BRPF3: variants seen among roughly 807,000 people sequenced by gnomAD.
The protein encoded by BRPF3 is bromodomain and PHD finger containing 3.
In BRPF3, 18 loss-of-function variants were observed where a neutral mutation model predicts 102.0. The observed-to-expected ratio is 0.18, with a 90% confidence interval of 0.12 to 0.26. BRPF3 has a LOEUF of 0.26. Ranked by LOEUF, BRPF3 falls within the 10% of genes least tolerant of loss-of-function variation. The pLI is 1.00. For missense variants in BRPF3, 1,147 were observed against 1,567.8 expected (o/e 0.73, Z 4.53); for synonymous variants, 570 against 614.2 (o/e 0.93, Z 1.06).
intron 9 of BRPF3, among the ~76,000 whole-genome samples, chr6:36,220,907 A>G (rs933904821): frequency 4.6e-5 from 7 of 152,064 alleles, no homozygotes; most frequent in African/African-American, 1.7e-4. Context: ...GGAGTACCCT[A>G]CTCTCCAACC....
chr6:36,213,843 C>G, intron 7 of BRPF3, 37 bp from the exon 8 acceptor site: 1 of 1,547,404 alleles, frequency 6.5e-7, no homozygotes, highest in Non-Finnish European at 8.7e-7. Flanking sequence ...CAGACTCTTT[C>G]TAAAATGTTC....
At chr6:36,222,353 C>T in intron 10 of BRPF3, 88 bp downstream of exon 10, 3 of 1,236,356 alleles carry the variant, frequency 2.4e-6, no homozygotes, top group Non-Finnish European at 3.5e-6. Flanking sequence ...GGGCTCCGTA[C>T]CAGGCAGCCA....
rs1336221714 is a variant in BRPF3 at position 36,204,699 on chromosome 6, A to G, written c.1490A>G (p.Asn497Ser). The change falls in exon 3 of 13, where the codon AAC becomes AGC. Residue 497 changes from asparagine (N) to serine (S), a missense_variant. Asn to Ser is a conservative substitution (Grantham distance 46, BLOSUM62 1). Coordinates refer to ENST00000357641, the MANE Select transcript of BRPF3 (RefSeq NM_015695.3). ...ICSGLSFQRK[N>S]QFMQRLHNYW... ...AGTGGTCTCTCCTTTCAGAGGAAAA[A>G]CCAGTTTATGCAGCGGCTTCACAAT... The G allele has an allele frequency of 1.2e-6, 2 of 1,614,042 alleles. No homozygotes were observed.
rs1767617804 is a variant in BRPF3, at chr6:36,199,426, G to A, written c.-26-871G>A. On this transcript the variant is annotated intron_variant, in intron 1 of 12. Coordinates refer to ENST00000357641, the MANE Select transcript of BRPF3 (RefSeq NM_015695.3). Reference sequence around the variant, plus strand: ...AGGCTGGGGACTGCTGTCCTGGATGGTGTCTTTTGTAGGGAATACCCTGCA... The same window carrying A: ...AGGCTGGGGACTGCTGTCCTGGATGATGTCTTTTGTAGGGAATACCCTGCA... Among the ~76,000 whole-genome samples, 3 of 152,192 alleles carry A rather than the reference G, an allele frequency of 2.0e-5. No homozygotes were observed. The South Asian group carries it at 6.2e-4, about 31-fold the overall frequency.
At chr6:36,204,110 G>C (rs1257164314) in intron 2 of BRPF3, among the ~76,000 whole-genome samples, 1 of 150,692 alleles carries the variant, frequency 6.6e-6, no homozygotes, top group South Asian at 2.1e-4. Context: ...TTTTTCATTT[G>C]GTTCAAAATT....
intron 10 of BRPF3, among the ~76,000 whole-genome samples, chr6:36,223,924 G>A (rs1246690218): frequency 1.3e-5 from 2 of 152,076 alleles, no homozygotes; most frequent in Admixed American, 6.5e-5. Context: ...GGATGGGTTT[G>A]GTCTGTAATT....
chr6:36,200,930 G>C lies in BRPF3; in HGVS notation c.608G>C (p.Gly203Ala). 6.2e-7 allele frequency: 1 copy of C among 1,614,180 alleles called. No homozygotes were observed. Among genetic ancestry groups the C allele is most frequent in the Non-Finnish European group, 8.5e-7 (1 of 1,180,040 alleles). ...KESYLESRSSGAQQSLIDEDA... is the reference protein window; with the variant it reads ...KESYLESRSSAAQQSLIDEDA... ...TCATACTTGGAGAGTCGCAGCAGTGGGGCCCAACAGTCACTCATCGATGAA... is the reference window on the plus strand; with the variant it reads ...TCATACTTGGAGAGTCGCAGCAGTGCGGCCCAACAGTCACTCATCGATGAA... Residue 203 changes from glycine to alanine, a missense_variant, in exon 2 of 13, where the codon GGG becomes GCG. Physicochemically the swap from Gly to Ala is moderately conservative, Grantham distance 60. This residue lies in a region of BRPF3 where 221 missense variants were observed against 337.1 expected (regional missense o/e 0.66). Coordinates refer to ENST00000357641, the MANE Select transcript of BRPF3 (RefSeq NM_015695.3). The surrounding 1 kb of genome is among the most constrained non-coding windows in gnomAD (Gnocchi z 5.3).
At position 36,231,434 on chromosome 6, in the gene BRPF3, G is replaced by A. The variant is rs941628789; in HGVS notation, c.*825G>A. The A allele has an allele frequency of 3.3e-5, 5 of 152,162 alleles. No homozygotes were observed. The highest frequency in any genetic ancestry group is 1.2e-4 in the African/African-American group (5 of 41,396). 9.4% of individuals were successfully genotyped at this position (152,162 alleles called of 1,614,324 possible). On this transcript the variant is annotated 3_prime_UTR_variant, in exon 13 of 13. Transcript: ENST00000357641. ...CTCTTGTTTTTTTCTTTGCTGCCAC[G>A]AGGTGGTCCAAGCCTTCAGGGTGGG... is the stretch of plus-strand genomic sequence containing the variant.
rs1561833000 is a variant in BRPF3, at chr6:36,222,275, A to G, written c.3181+10A>G. On this transcript the variant is annotated intron_variant, in intron 10 of 12. Coordinates refer to ENST00000357641, the MANE Select transcript of BRPF3 (RefSeq NM_015695.3). Reference sequence around the variant, plus strand: ...GACTACAATGGCTCAGGTGAGGAGCAGTGTTCAGGCAGAACTGAGGGGGCC... The same window carrying G: ...GACTACAATGGCTCAGGTGAGGAGCGGTGTTCAGGCAGAACTGAGGGGGCC... 1.9e-6 allele frequency: 3 copies of G among 1,549,408 alleles called. No homozygotes were observed. Among genetic ancestry groups the G allele is most frequent in the South Asian group, 2.4e-5 (2 of 83,966 alleles).
intron 1 of BRPF3, among the ~76,000 whole-genome samples, chr6:36,199,235 A>G (rs979359494): frequency 1.8e-4 from 28 of 152,166 alleles, no homozygotes; most frequent in African/African-American, 5.3e-4. Context: ...TTGGATTCTC[A>G]TAGGAGCGCG....
At position 36,232,498 on chromosome 6, in the gene BRPF3, C is replaced by G. The variant is rs1226049874; in HGVS notation, c.*1889C>G. 1 of 152,656 alleles carries G rather than the reference C, an allele frequency of 6.6e-6. No individual in the cohort carries two copies. The highest frequency in any genetic ancestry group is 6.5e-5 in the Admixed American group (1 of 15,286). The allele number at this position is 152,656 out of a possible 1,614,324, so 9.5% of individuals were successfully genotyped here. A position where few individuals can be genotyped will look rare whatever the true frequency, so the allele number is the denominator to read the frequency against. The stretch of plus-strand genomic sequence containing the variant: ...AATCTCTGAATATTTTAGTCTCTCT[C>G]TGAGTCTCATTTTTTAAAATGCTCT... On this transcript the variant is annotated 3_prime_UTR_variant, in exon 13 of 13. Transcript: ENST00000357641.
rs1240289159 is a variant in BRPF3, at chr6:36,214,144, C to T, written c.2747C>T (p.Ala916Val). The T allele has an allele frequency of 6.2e-7, 1 of 1,614,214 alleles. No homozygotes were observed. The highest frequency in any genetic ancestry group is 8.5e-7 in the Non-Finnish European group (1 of 1,180,026). ...TCCCTCATGGCCCCTGACACCCCGG[C>T]CGGTACCCCACTTAGTGGTGTGGGT... Reference protein sequence around the residue: ...RLSLMAPDTPAGTPLSGVGRR... With the variant: ...RLSLMAPDTPVGTPLSGVGRR... Residue 916 changes from alanine to valine, a missense_variant, in exon 8 of 13, where the codon GCC becomes GTC. Physicochemically the swap from Ala to Val is moderately conservative, Grantham distance 64 (BLOSUM62 0). Around this residue, in one of 11 missense-constraint regions of BRPF3, gnomAD observed 379 missense variants for 426.3 expected, o/e 0.89. Coordinates refer to ENST00000357641, the MANE Select transcript of BRPF3 (RefSeq NM_015695.3).
intron 11 of BRPF3, among the ~76,000 whole-genome samples, chr6:36,227,486 C>T (rs1768782080): frequency 6.6e-6 from 1 of 152,090 alleles, no homozygotes; most frequent in Non-Finnish European, 1.5e-5. Flanking sequence ...AATGAATGGA[C>T]CATTTATTAT....
At chr6:36,220,353 T>C (rs1445524128) in intron 9 of BRPF3, among the ~76,000 whole-genome samples, 4 of 152,244 alleles carry the variant, frequency 2.6e-5, no homozygotes, top group African/African-American at 9.6e-5. Flanking sequence ...GACTGCATGG[T>C]ATGTGCTGTA....
chr6:36,207,526 G>A lies in BRPF3; in HGVS notation c.1737+82G>A. 8 of 1,523,648 alleles carry A rather than the reference G, an allele frequency of 5.3e-6. No individual in the cohort carries two copies. The South Asian group carries it at 8.8e-5, about 17-fold the overall frequency. The allele number at this position is 1,523,648 out of a possible 1,614,324, so 94.4% of individuals were successfully genotyped here. ...TAGTCTAGTATTGGGAAATCTGGGA[G>A]CCCCTGCCTTATGCTAGGTTTCTTT... On this transcript the variant is annotated intron_variant, in intron 4 of 12. Transcript: ENST00000357641.
rs558027341 is a variant in BRPF3 at position 36,198,403 on chromosome 6, A to G, written c.-27+1433A>G. Among the ~76,000 whole-genome samples, 4 of 152,342 alleles carry G rather than the reference A, an allele frequency of 2.6e-5. No individual in the cohort carries two copies. The South Asian group carries it at 8.3e-4, about 32-fold the overall frequency. The stretch of plus-strand genomic sequence containing the variant: ...TCACAGAGGGCCAAGATTAGAACCT[A>G]GATTGCCCCAGAGCCTCGTTTTGTA... On this transcript the variant is annotated intron_variant, in intron 1 of 12. Transcript: ENST00000357641.
chr6:36,214,310 C>G lies in BRPF3; in HGVS notation c.2913C>G (p.His971Gln). The G allele has an allele frequency of 1.2e-6, 2 of 1,613,800 alleles. No individual in the cohort carries two copies. Among genetic ancestry groups the G allele is most frequent in the Non-Finnish European group, 1.7e-6 (2 of 1,180,008 alleles). The change falls in exon 8 of 13, where the codon CAC becomes CAG. Residue 971 changes from histidine to glutamine, a missense_variant. This residue lies in a region of BRPF3 where 379 missense variants were observed against 426.3 expected (regional missense o/e 0.89). Coordinates refer to ENST00000357641, the MANE Select transcript of BRPF3 (RefSeq NM_015695.3). The part of the protein sequence containing the change: ...ASPASIEEER[H>Q]SRKRPRSRSC... ...CAGCCAGCATCGAGGAAGAGCGCCA[C>G]TCCCGGAAGCGGCCAAGGAGCAGGA...
At chr6:36,212,867 G>A (rs1202055044) in intron 7 of BRPF3, among the ~76,000 whole-genome samples, 3 of 152,116 alleles carry the variant, frequency 2.0e-5, no homozygotes, top group Non-Finnish European at 4.4e-5. Context: ...GCAGGAGAAT[G>A]GCGTGAACCC....
Position 36,201,440 on chromosome 6 carries a change from C to T in BRPF3, c.1118C>T (p.Thr373Ile). 1.2e-6 allele frequency: 2 copies of T among 1,614,170 alleles called. No individual in the cohort carries two copies. Among genetic ancestry groups the T allele is most frequent in the South Asian group, 2.2e-5 (2 of 91,080 alleles). The change falls in exon 2 of 13, where the codon ACC becomes ATC. Residue 373 changes from threonine to isoleucine, a missense_variant. Thr to Ile is a moderately conservative substitution (Grantham distance 89). Around this residue, in one of 11 missense-constraint regions of BRPF3, gnomAD observed 157 missense variants for 163.6 expected, o/e 0.96. Transcript: ENST00000357641. This position sits in a 1 kb window ranked among gnomAD's most constrained non-coding sequence, Gnocchi z 5.1. ...ATGCGCGAAACCAGCCTCAATGGCA[C>T]CATCTTTACAGTGCGCAAGACTGCC... ...EPMRETSLNG[T>I]IFTVRKTAYC...
Sources: gnomAD v4.1 joint callset for allele counts (sites outside exome capture counted in the v4.1 genomes callset) on GRCh38, gnomAD v4.1.1 for gene constraint, gnomAD v4.1.1 regional missense constraint, Gnocchi (gnomAD v3.1) non-coding constraint, MANE v1.5 for transcripts, NCBI Gene and HGNC (gene_info 2026-07-23, HGNC 2026-07-21) for gene names.